INPP5A: variants seen among roughly 807,000 people sequenced by gnomAD.
The protein encoded by INPP5A is inositol polyphosphate-5-phosphatase A.
Under a neutral mutation model 65.2 loss-of-function variants are expected in INPP5A, and 14 were observed. The ratio of observed to expected loss-of-function variants is 0.21; its 90% confidence interval spans 0.14 to 0.34. The LOEUF is 0.34. INPP5A is among the 10% of genes least tolerant of loss of function. The pLI, the probability that INPP5A is intolerant of heterozygous loss-of-function variation, is 1.00. For missense variants in INPP5A, 431 were observed against 545.6 expected, an observed-to-expected ratio of 0.79 and a Z score of 2.09; for synonymous variants, 207 against 208.3, an observed-to-expected ratio of 0.99 and a Z score of 0.05.
At chr10:132,668,787 T>C (rs2133430190) in intron 4 of INPP5A, among the ~76,000 whole-genome samples, 1 of 152,346 alleles carries the variant, frequency 6.6e-6, no homozygotes, top group East Asian at 1.9e-4. Context: ...CAGCCCCTGT[T>C]GACCGTGCTC....
At chr10:132,763,778 AAC>A (rs747856383) in intron 11 of INPP5A, among the ~76,000 whole-genome samples, 26 of 150,142 alleles carry the variant, frequency 1.7e-4, no homozygotes, top group South Asian at 6.3e-4. Context: ...TGCACACATA[AAC>A]ACATGCCTGC....
chr10:132,733,637 G>C (rs1033196145), intron 9 of INPP5A, among the ~76,000 whole-genome samples: 1 of 152,222 alleles, frequency 6.6e-6, no homozygotes, highest in Admixed American at 6.5e-5. Context: ...TTTTGAGGCT[G>C]ACTTGGACCA....
intron 4 of INPP5A, among the ~76,000 whole-genome samples, chr10:132,664,690 A>G (rs1260054206): frequency 6.6e-6 from 1 of 152,242 alleles, no homozygotes; most frequent in East Asian, 1.9e-4. Flanking sequence ...AGAGCTGAGC[A>G]CAGAAGTGTG....
At chr10:132,730,533 G>A (rs574088227) in intron 9 of INPP5A, among the ~76,000 whole-genome samples, 99 of 152,386 alleles carry the variant, frequency 6.5e-4, no homozygotes, top group Non-Finnish European at 1.1e-3. Flanking sequence ...CTGGGTGTAG[G>A]AAGAGCAGCT....
chr10:132,655,412 C>A (rs568940879), intron 4 of INPP5A, among the ~76,000 whole-genome samples: 1 of 152,186 alleles, frequency 6.6e-6, no homozygotes, highest in Non-Finnish European at 1.5e-5. Flanking sequence ...AGTGCCTGGG[C>A]GAGGCTTTCC....
chr10:132,663,130 G>A lies in INPP5A; in HGVS notation c.306+12625G>A, dbSNP rs1335370746. On this transcript the variant is annotated intron_variant, in intron 4 of 15. Transcript: ENST00000368594. This position sits in a 1 kb window ranked among gnomAD's most constrained non-coding sequence, Gnocchi z 4.5. ...TCTCACAACTCAGGCAACTCGGCAC[G>A]CCGCAGGACATAACGGCAGAGTGTG... Among the ~76,000 whole-genome samples, 2 of 152,206 alleles carry A rather than the reference G, an allele frequency of 1.3e-5. No homozygotes were observed. The highest frequency in any genetic ancestry group is 2.4e-5 in the African/African-American group (1 of 41,456).
chr10:132,610,364 G>C (rs1450112783), intron 2 of INPP5A, among the ~76,000 whole-genome samples: 1 of 152,148 alleles, frequency 6.6e-6, no homozygotes, highest in Non-Finnish European at 1.5e-5. Flanking sequence ...TGATGGGGGT[G>C]GGGGGTGGGG....
At chr10:132,645,026 G>A (rs1359043743) in intron 2 of INPP5A, among the ~76,000 whole-genome samples, 2 of 152,196 alleles carry the variant, frequency 1.3e-5, no homozygotes, top group Non-Finnish European at 2.9e-5. Flanking sequence ...CTGCCCGCGC[G>A]TCCTCTCAGA....
At chr10:132,666,516 C>T (rs1023162442) in intron 4 of INPP5A, among the ~76,000 whole-genome samples, 2 of 149,724 alleles carry the variant, frequency 1.3e-5, no homozygotes, top group East Asian at 1.9e-4. Flanking sequence ...AAAAAAACCC[C>T]TGTCGGATCA....
At chr10:132,760,909 T>G (rs1298873952) in intron 11 of INPP5A, among the ~76,000 whole-genome samples, 2 of 152,186 alleles carry the variant, frequency 1.3e-5, no homozygotes, top group Non-Finnish European at 2.9e-5. Context: ...GTTTCCACTG[T>G]AAACGCGGGG....
chr10:132,723,556 C>G (rs1034737437), intron 8 of INPP5A, among the ~76,000 whole-genome samples: 15 of 139,480 alleles, frequency 1.1e-4, no homozygotes, highest in African/African-American at 3.6e-4. Context: ...GGGGATTGGC[C>G]GTGTGGGGAT....
At chr10:132,751,810 GGTGGAGGCAGGTGCCCAGGAAGTGCCTTC>G (rs1846484562) in intron 11 of INPP5A, among the ~76,000 whole-genome samples, 2 of 147,818 alleles carry the variant, frequency 1.4e-5, no homozygotes, top group African/African-American at 2.6e-5. Context: ...GAGGTGTCTG[GGTGGAGGCAGGTGCCCAGGAAGTGCCTTC>G]GTGGAGGCGG....
At chr10:132,596,957 ATGTGTGCG>A (rs569728360) in intron 1 of INPP5A, among the ~76,000 whole-genome samples, 1 of 119,452 alleles carries the variant, frequency 8.4e-6, no homozygotes, top group East Asian at 2.8e-4. Context: ...GTGTGCACAC[ATGTGTGCG>A]TGTGTGCATG....
chr10:132,646,039 A>G (rs2072489527), intron 3 of INPP5A, 71 bp downstream of exon 3: 3 of 963,190 alleles, frequency 3.1e-6, no homozygotes, highest in Admixed American at 1.9e-5. Flanking sequence ...GGGTCTTTTC[A>G]TGGTACTATG....
intron 2 of INPP5A, among the ~76,000 whole-genome samples, chr10:132,608,316 C>T (rs1400376403): frequency 6.6e-6 from 1 of 152,226 alleles, no homozygotes; most frequent in Non-Finnish European, 1.5e-5. Flanking sequence ...GTGTGCTCCT[C>T]ACCAGGTCCG....
At position 132,753,331 on chromosome 10, in the gene INPP5A, T is replaced by C. The variant is rs553363331; in HGVS notation, c.903+3486T>C. On this transcript the variant is annotated intron_variant, in intron 11 of 15. Coordinates refer to ENST00000368594, the MANE Select transcript of INPP5A (RefSeq NM_005539.5). The surrounding 1 kb of genome is among the most constrained non-coding windows in gnomAD (Gnocchi z 5.3). ...CACCGCAGCCATGGAGAGCAAACTC[T>C]CCGTCCGCAGGATGGATGTGCCTGC... Among the ~76,000 whole-genome samples the C allele has an allele frequency of 6.6e-6, 1 of 152,268 alleles. No homozygotes were observed. Among genetic ancestry groups the C allele is most frequent in the Non-Finnish European group, 1.5e-5 (1 of 68,030 alleles).
intron 1 of INPP5A, among the ~76,000 whole-genome samples, chr10:132,558,820 G>T (rs1452233719): frequency 1.3e-5 from 2 of 152,248 alleles, no homozygotes; most frequent in African/African-American, 4.8e-5. Context: ...GAAGCCGGCA[G>T]TCGCCTTGCA....
chr10:132,648,700 C>T (rs939397826), intron 3 of INPP5A, among the ~76,000 whole-genome samples: 9 of 152,198 alleles, frequency 5.9e-5, no homozygotes, highest in Non-Finnish European at 1.2e-4. Context: ...GATATCGCCC[C>T]ATTGTCTTCT....
intron 1 of INPP5A, among the ~76,000 whole-genome samples, chr10:132,592,752 G>A (rs1036616753): frequency 6.6e-6 from 1 of 152,228 alleles, no homozygotes; most frequent in Non-Finnish European, 1.5e-5. Flanking sequence ...ATACAGGCAT[G>A]TATAGTCCTA....
Sources: gnomAD v4.1 joint callset for allele counts (sites outside exome capture counted in the v4.1 genomes callset) on GRCh38, gnomAD v4.1.1 for gene constraint, Gnocchi (gnomAD v3.1) non-coding constraint, MANE v1.5 for transcripts, NCBI Gene and HGNC (gene_info 2026-07-23, HGNC 2026-07-21) for gene names.